The following MMD2 variants were observed in gnomAD, a reference collection of about 807,000 sequenced individuals.
The protein encoded by MMD2 is monocyte to macrophage differentiation associated 2, also known as monocyte to macrophage differentiation factor 2.
A neutral mutation model predicts 33.5 loss-of-function variants in MMD2; 30 were observed. That is an observed-to-expected ratio of 0.90 (90% confidence interval 0.67 to 1.22). The LOEUF (loss-of-function observed/expected upper bound fraction) is 1.22, where lower values mean the gene tolerates loss of function less well. Among genes scored for constraint, MMD2 ranks in the 50% most tolerant of loss-of-function variants. The pLI is 0.00. For missense variants in MMD2, 364 were observed against 325.4 expected (o/e 1.12, Z -0.91); for synonymous variants, 129 against 123.0 (o/e 1.05, Z -0.32).
intron 4 of MMD2, 79 bp downstream of exon 4, chr7:4,915,926 C>T (rs988917566): frequency 6.9e-6 from 10 of 1,443,056 alleles, no homozygotes; most frequent in East Asian, 2.3e-5. Flanking sequence ...AACACATTAC[C>T]CAGCCAAATA....
chr7:4,937,659 C>G (rs1219234651), intron 1 of MMD2, among the ~76,000 whole-genome samples: 3 of 152,108 alleles, frequency 2.0e-5, no homozygotes, highest in Non-Finnish European at 4.4e-5. Flanking sequence ...CAGGCATGCA[C>G]CACCATACCC....
chr7:4,945,483 T>C (rs1786049760), intron 1 of MMD2, among the ~76,000 whole-genome samples: 1 of 151,502 alleles, frequency 6.6e-6, no homozygotes, highest in African/African-American at 2.4e-5. Context: ...GGCCAGGCTG[T>C]TATTGAACTC....
intron 1 of MMD2, among the ~76,000 whole-genome samples, chr7:4,950,697 T>C (rs1786217242): frequency 6.7e-6 from 1 of 148,256 alleles, no homozygotes; most frequent in African/African-American, 2.5e-5. Flanking sequence ...TTTTTAAAGC[T>C]AAATTTCTTT....
At chr7:4,910,152 T>C (rs1211981355) in intron 5 of MMD2, 3 of 1,163,058 alleles carry the variant, frequency 2.6e-6, no homozygotes, top group Non-Finnish European at 3.6e-6. Flanking sequence ...CCCTGGGCAC[T>C]TTCCCTCCCT....
chr7:4,936,425 C>T (rs1785743449), intron 1 of MMD2, among the ~76,000 whole-genome samples: 1 of 151,922 alleles, frequency 6.6e-6, no homozygotes, highest in Non-Finnish European at 1.5e-5. Flanking sequence ...TTGCCCCCCT[C>T]CCTTATTTTT....
chr7:4,931,306 C>T (rs759178365), intron 1 of MMD2, among the ~76,000 whole-genome samples: 12 of 151,552 alleles, frequency 7.9e-5, no homozygotes, highest in Non-Finnish European at 1.5e-4. Flanking sequence ...CCACCACACC[C>T]GGCTAATTTA....
the MMD2 span, among the ~76,000 whole-genome samples, chr7:4,900,716 C>G: frequency 2.2e-4 from 33 of 152,076 alleles, no homozygotes; most frequent in Admixed American, 7.9e-4. Flanking sequence ...AGCATCCCCC[C>G]CACAACCCAT....
At chr7:4,941,795 T>C (rs1256898942) in intron 1 of MMD2, among the ~76,000 whole-genome samples, 2 of 151,692 alleles carry the variant, frequency 1.3e-5, no homozygotes, top group African/African-American at 2.4e-5. Context: ...CTGACTCAAA[T>C]AAAGAAATTA....
At position 4,911,146 on chromosome 7, in the gene MMD2, G is replaced by T; in HGVS notation, c.466C>A (p.Arg156=). The T allele has an allele frequency of 6.3e-7, 1 of 1,576,172 alleles. No homozygotes were observed. Among genetic ancestry groups the T allele is most frequent in the Non-Finnish European group, 8.6e-7 (1 of 1,161,534 alleles). Residue 156 remains arginine, a splice_region_variant and synonymous_variant, in exon 5 of 7, where the codon CGG becomes AGG. Transcript: ENST00000401401. ...GTIYVFFFHE[R]YKLVELLCYV... The stretch of plus-strand genomic sequence containing the variant: ...CTGAAGCCCCCAGGCCTGGCTTACC[G>T]CTCATGGAAGAAGAAGACATAGATG...
chr7:4,955,912 GC>G (rs1786370318), intron 1 of MMD2, among the ~76,000 whole-genome samples: 1 of 152,140 alleles, frequency 6.6e-6, no homozygotes, highest in Non-Finnish European at 1.5e-5. Flanking sequence ...AATTAGCCAG[GC>G]GTGGTTGCGG....
At chr7:4,925,564 C>T (rs60810442) in intron 1 of MMD2, 32 bp from the exon 2 acceptor site, 245,684 of 1,520,366 alleles carry the variant, frequency 0.16, 21,625 homozygotes, top group East Asian at 0.28. Context: ...CAGGAAGCTC[C>T]GCTGGGCAAG....
intron 1 of MMD2, among the ~76,000 whole-genome samples, chr7:4,938,441 CCT>C (rs904145013): frequency 6.6e-6 from 1 of 152,058 alleles, no homozygotes; most frequent in African/African-American, 2.4e-5. Context: ...TGGTGAGGGG[CCT>C]GTATGTGCTA....
intron 1 of MMD2, among the ~76,000 whole-genome samples, chr7:4,950,361 G>A (rs1487218725): frequency 3.3e-5 from 5 of 152,082 alleles, no homozygotes; most frequent in African/African-American, 4.8e-5. Context: ...GCCTTCCAAA[G>A]TGTTGGGATT....
the MMD2 span, among the ~76,000 whole-genome samples, chr7:4,899,211 C>A: frequency 6.6e-6 from 1 of 152,084 alleles, no homozygotes; most frequent in Non-Finnish European, 1.5e-5. Context: ...ACTTCTCAGC[C>A]TCCAGAACCG....
rs1261022673 is a variant in MMD2 at position 4,919,239 on chromosome 7, C to T, written c.290+932G>A. On this transcript the variant is annotated intron_variant, in intron 3 of 6. Coordinates refer to ENST00000401401, the MANE Select transcript of MMD2 (RefSeq NM_198403.4). Reference sequence around the variant, plus strand: ...GAGCTGGCCCGTCGTGACCACCCTGCAGCCAGCAAGGGCTTTTCTCTTGGT... The same window carrying T: ...GAGCTGGCCCGTCGTGACCACCCTGTAGCCAGCAAGGGCTTTTCTCTTGGT... Among the ~76,000 whole-genome samples, 3 of 152,194 alleles carry T rather than the reference C, an allele frequency of 2.0e-5. No homozygotes were observed. In the East Asian group the frequency reaches 5.8e-4, roughly 29 times the overall value.
chr7:4,958,912 G>GC, intron 1 of MMD2, 59 bp downstream of exon 1: 1 of 1,270,502 alleles, frequency 7.9e-7, no homozygotes, highest in South Asian at 2.8e-5. Flanking sequence ...GGCCTCCGCG[G>GC]CCCCCGCCGC....
Position 4,946,173 on chromosome 7 carries a change from ATG to A in MMD2, c.47+12796_47+12797del, listed in dbSNP as rs1562494501. Among the ~76,000 whole-genome samples, 2 of 150,538 alleles carry A rather than the reference ATG, an allele frequency of 1.3e-5. No homozygotes were observed. The highest frequency in any genetic ancestry group is 4.9e-5 in the African/African-American group (2 of 40,798). On this transcript the variant is annotated intron_variant, in intron 1 of 6. Coordinates refer to ENST00000401401, the MANE Select transcript of MMD2 (RefSeq NM_198403.4). This position sits in a 1 kb window ranked among gnomAD's most constrained non-coding sequence, Gnocchi z 5.0. ...CACACCCGCGCGCACACCTGCACAC[ATG>A]CACACACACGCGCGCACACCCACAC...
intron 5 of MMD2, 39 bp from the exon 6 acceptor site, chr7:4,909,989 C>T: frequency 6.2e-7 from 1 of 1,613,958 alleles, no homozygotes. Flanking sequence ...TAGGACATGC[C>T]TCCCCACGAA....
At chr7:4,957,724 C>T (rs528066801) in intron 1 of MMD2, among the ~76,000 whole-genome samples, 1 of 152,198 alleles carries the variant, frequency 6.6e-6, no homozygotes, top group South Asian at 2.1e-4. Flanking sequence ...AACTTATCCT[C>T]AAGTCCTTCC....
Sources: allele counts gnomAD v4.1 joint callset (sites outside exome capture counted in the v4.1 genomes callset), GRCh38; gene constraint gnomAD v4.1.1; non-coding constraint Gnocchi (gnomAD v3.1); transcripts MANE v1.5; gene names NCBI Gene and HGNC (gene_info 2026-07-23, HGNC 2026-07-21).